GPD1L: variants seen among roughly 807,000 people sequenced by gnomAD.
GPD1L encodes the protein glycerol-3-phosphate dehydrogenase 1 like, also known as glycerol-3-phosphate dehydrogenase 1-like protein.
Under a neutral mutation model 32.9 loss-of-function variants are expected in GPD1L, and 17 were observed. The ratio of observed to expected loss-of-function variants is 0.52; its 90% CI spans 0.35 to 0.78. The LOEUF (loss-of-function observed/expected upper bound fraction) is 0.78, where lower values mean the gene tolerates loss of function less well. Ranked by LOEUF, GPD1L falls within the 30% of genes least tolerant of loss-of-function variation. The probability of loss-of-function intolerance (pLI) is 0.01; values close to 1 mark genes in which losing one functional copy is unlikely to be tolerated. For missense variants in GPD1L, 361 were observed against 447.8 expected (o/e 0.81, Z 1.75); for synonymous variants, 187 against 165.9 (o/e 1.13, Z -0.98).
intron 5 of GPD1L, among the ~76,000 whole-genome samples, chr3:32,147,126 A>G (rs773712689): frequency 2.6e-5 from 4 of 152,186 alleles, no homozygotes; most frequent in Non-Finnish European, 5.9e-5. Context: ...ATGCTACTCT[A>G]CTAGTTTGGC....
intron 5 of GPD1L, chr3:32,158,545 C>T: frequency 2.2e-6 from 1 of 445,332 alleles, no homozygotes; most frequent in Non-Finnish European, 4.1e-6. Flanking sequence ...TAAAGCATTC[C>T]ATTTAAAACA....
intron 1 of GPD1L, among the ~76,000 whole-genome samples, chr3:32,117,289 A>G (rs1302525539): frequency 6.6e-6 from 1 of 152,236 alleles, no homozygotes; most frequent in Non-Finnish European, 1.5e-5. Context: ...ATGTTGGTGG[A>G]AGCCAGAACA....
chr3:32,157,251 C>CT (rs551469067), intron 5 of GPD1L, among the ~76,000 whole-genome samples: 19,118 of 146,306 alleles, frequency 0.13, 1,356 homozygotes, highest in African/African-American at 0.19. Context: ...TCCCCTCTGC[C>CT]TTTTTTTTTT....
At chr3:32,134,636 G>A (rs1482860607) in intron 2 of GPD1L, among the ~76,000 whole-genome samples, 2 of 152,066 alleles carry the variant, frequency 1.3e-5, no homozygotes, top group Admixed American at 6.5e-5. Context: ...ACAGGCACTC[G>A]CCACCACACC....
At chr3:32,125,732 C>G (rs1013922143) in intron 1 of GPD1L, among the ~76,000 whole-genome samples, 2 of 152,196 alleles carry the variant, frequency 1.3e-5, no homozygotes, top group African/African-American at 4.8e-5. Flanking sequence ...GGGTGGTAAG[C>G]TTTTGAGAGC....
intron 4 of GPD1L, among the ~76,000 whole-genome samples, chr3:32,143,092 G>T (rs530374307): frequency 3.3e-5 from 5 of 152,024 alleles, no homozygotes; most frequent in Non-Finnish European, 7.4e-5. Context: ...ACTGCTGTGG[G>T]AGGATCACCT....
At chr3:32,110,209 C>T (rs533537267) in intron 1 of GPD1L, among the ~76,000 whole-genome samples, 3 of 152,348 alleles carry the variant, frequency 2.0e-5, no homozygotes, top group Non-Finnish European at 2.9e-5. Flanking sequence ...TAAGCCACTG[C>T]GCCCGGCCTA....
chr3:32,145,516 T>C lies in GPD1L; in HGVS notation c.506-1106T>C, dbSNP rs546591677. 2.0e-5 allele frequency among the ~76,000 whole-genome samples: 3 copies of C among 152,276 alleles called. No homozygotes were observed. In the South Asian group the frequency reaches 6.2e-4, roughly 32 times the overall value. On this transcript the variant is annotated intron_variant, in intron 4 of 7. Coordinates refer to ENST00000282541, the MANE Select transcript of GPD1L (RefSeq NM_015141.4). The stretch of plus-strand genomic sequence containing the variant: ...CCAAGAGTGTGCCTTCCCCTGCCCA[T>C]TCCTCAGTTTGTTCACCAGCAACCC...
At chr3:32,125,054 T>C (rs1575110612) in intron 1 of GPD1L, among the ~76,000 whole-genome samples, 1 of 152,152 alleles carries the variant, frequency 6.6e-6, no homozygotes, top group Non-Finnish European at 1.5e-5. Flanking sequence ...GTATAAATTA[T>C]ATATAGAGAA....
rs200247032 is a variant in GPD1L, at chr3:32,121,780, TA to T, written c.48-6295del. On this transcript the variant is annotated intron_variant, in intron 1 of 7. Transcript: ENST00000282541. ...ATATATATATTTCTATATATATATA[TA>T]TTTTTTTTAGGCAGAGTTTTGCTCT... 0.022 allele frequency among the ~76,000 whole-genome samples: 2,983 copies of T among 135,482 alleles called. 237 individuals are homozygous for T. The East Asian group carries it at 0.22, about 10-fold the overall frequency. 88.9% of individuals were successfully genotyped at this position (135,482 alleles called of 152,430 possible).
At chr3:32,162,852 A>G (rs994361267) in intron 7 of GPD1L, among the ~76,000 whole-genome samples, 2 of 151,104 alleles carry the variant, frequency 1.3e-5, no homozygotes, top group East Asian at 3.9e-4. Flanking sequence ...TCCGCCTCCC[A>G]TGTTTAAGTA....
chr3:32,145,187 C>T (rs540449532), intron 4 of GPD1L, among the ~76,000 whole-genome samples: 11 of 152,004 alleles, frequency 7.2e-5, no homozygotes, highest in South Asian at 4.2e-4. Context: ...AGTATGGTGG[C>T]GCATGCCTAT....
chr3:32,126,207 A>G (rs183340831), intron 1 of GPD1L, among the ~76,000 whole-genome samples: 40 of 152,334 alleles, frequency 2.6e-4, no homozygotes, highest in Admixed American at 5.9e-4. Context: ...TAAATTAAAT[A>G]AATAAATAAA....
chr3:32,145,584 A>C (rs11129497), intron 4 of GPD1L, among the ~76,000 whole-genome samples: 4 of 151,624 alleles, frequency 2.6e-5, no homozygotes, highest in African/African-American at 9.7e-5. Flanking sequence ...GACTTGAGGG[A>C]GGGGCTGGTC....
At chr3:32,134,317 G>T (rs747623801) in intron 2 of GPD1L, among the ~76,000 whole-genome samples, 4 of 152,168 alleles carry the variant, frequency 2.6e-5, no homozygotes, top group Non-Finnish European at 2.9e-5. Context: ...CATTGTACAC[G>T]TTGCTTCTGT....
In GPD1L at chr3:32,106,702, C is replaced by T. The variant is rs1006777349; in HGVS notation, c.-10C>T. 7.1e-6 allele frequency: 11 copies of T among 1,557,844 alleles called. No individual in the cohort carries two copies. The Admixed American group carries it at 1.3e-4, about 18-fold the overall frequency. On this transcript the variant is annotated 5_prime_UTR_variant, in exon 1 of 8. Coordinates refer to ENST00000282541, the MANE Select transcript of GPD1L (RefSeq NM_015141.4). This position sits in a 1 kb window ranked among gnomAD's most constrained non-coding sequence, Gnocchi z 4.0. ...GAAGCACGGTCCAGGCGGCTACATT[C>T]GGCCCGGCCATGGCAGCGGCGCCCC...
intron 1 of GPD1L, among the ~76,000 whole-genome samples, chr3:32,114,995 G>A (rs1175545083): frequency 6.6e-6 from 1 of 152,238 alleles, no homozygotes; most frequent in Non-Finnish European, 1.5e-5. Context: ...GTGAGCAGCA[G>A]CAAGATTTAT....
At chr3:32,145,405 AT>A (rs1700805479) in intron 4 of GPD1L, among the ~76,000 whole-genome samples, 1 of 152,012 alleles carries the variant, frequency 6.6e-6, no homozygotes, top group African/African-American at 2.4e-5. Flanking sequence ...TGAGATTGCT[AT>A]AAATCAAGCC....
At chr3:32,107,527 A>C (rs1700181822) in intron 1 of GPD1L, among the ~76,000 whole-genome samples, 1 of 152,166 alleles carries the variant, frequency 6.6e-6, no homozygotes, top group Non-Finnish European at 1.5e-5. Context: ...AGGGGGAAGG[A>C]AGCAAAGTGT....
Sources: gnomAD v4.1 joint callset for allele counts (sites outside exome capture counted in the v4.1 genomes callset) on GRCh38, gnomAD v4.1.1 for gene constraint, Gnocchi (gnomAD v3.1) non-coding constraint, MANE v1.5 for transcripts, NCBI Gene and HGNC (gene_info 2026-07-23, HGNC 2026-07-21) for gene names.